CEP192: variants seen among roughly 807,000 people sequenced by gnomAD.
CEP192 encodes the protein centrosomal protein 192, also known as centrosomal protein of 192 kDa.
A neutral mutation model predicts 271.8 loss-of-function variants in CEP192; 151 were observed. The observed-to-expected ratio is 0.56, with a 90% CI of 0.49 to 0.64. The LOEUF (loss-of-function observed/expected upper bound fraction) is 0.64, where lower values mean the gene tolerates loss of function less well. Among genes scored for constraint, CEP192 ranks in the 30% least tolerant of loss-of-function variants. CEP192 has a pLI of 0.00. For synonymous variants in CEP192, 995 were observed against 1,076.5 expected (o/e 0.92, Z 1.48); for missense variants, 2,910 against 3,020.5 (o/e 0.96, Z 0.86).
At chr18:13,106,336 C>T (rs1220354286) in intron 40 of CEP192, among the ~76,000 whole-genome samples, 1 of 151,952 alleles carries the variant, frequency 6.6e-6, no homozygotes, top group African/African-American at 2.4e-5. Flanking sequence ...CTACCATCAT[C>T]TTCTGCACAA....
intron 33 of CEP192, among the ~76,000 whole-genome samples, chr18:13,090,301 T>C (rs1306903628): frequency 6.6e-6 from 1 of 152,226 alleles, no homozygotes; most frequent in African/African-American, 2.4e-5. Flanking sequence ...GAATCTGTAC[T>C]GAATGACATG....
Position 13,038,303 on chromosome 18 carries a change from T to C in CEP192, c.1600-67T>C. The C allele has an allele frequency of 2.4e-6, 3 of 1,273,604 alleles. No individual in the cohort carries two copies. In the Admixed American group the frequency reaches 7.6e-5, roughly 32 times the overall value. 78.9% of individuals were successfully genotyped at this position (1,273,604 alleles called of 1,614,324 possible). A position where few individuals can be genotyped will look rare whatever the true frequency, so the allele number is the denominator to read the frequency against. On this transcript the variant is annotated intron_variant, in intron 12 of 44. Coordinates refer to ENST00000506447, the MANE Select transcript of CEP192 (RefSeq NM_032142.4). The stretch of plus-strand genomic sequence containing the variant: ...TTCTTGGTAAGACTTTTTTAGTTTT[T>C]GTATATTAGAACAACAGAAAAGTGA...
intron 14 of CEP192, 49 bp downstream of exon 14, chr18:13,041,005 G>A: frequency 6.5e-7 from 1 of 1,530,454 alleles, no homozygotes; most frequent in Non-Finnish European, 8.9e-7. Context: ...TTTCTTAAAT[G>A]CGTAACTTAG....
At chr18:13,094,488 C>G (rs2039294816) in intron 34 of CEP192, among the ~76,000 whole-genome samples, 1 of 152,206 alleles carries the variant, frequency 6.6e-6, no homozygotes, top group African/African-American at 2.4e-5. Context: ...GCATTGCATT[C>G]TGGCTTCTGA....
chr18:13,034,885 G>C (rs749730581), intron 11 of CEP192, among the ~76,000 whole-genome samples: 1 of 151,254 alleles, frequency 6.6e-6, no homozygotes, highest in African/African-American at 2.4e-5. Flanking sequence ...CTTGCCGACA[G>C]CTCAGCTCCA....
chr18:13,038,672 T>G, intron 13 of CEP192, 93 bp downstream of exon 13: 3 of 947,808 alleles, frequency 3.2e-6, no homozygotes, highest in Non-Finnish European at 4.9e-6. Flanking sequence ...GGAGATAGAA[T>G]AGGATGGGAC....
Position 13,049,481 on chromosome 18 carries a change from C to G in CEP192, c.2690C>G (p.Ala897Gly). 1.2e-6 allele frequency: 2 copies of G among 1,614,080 alleles called. No individual in the cohort carries two copies. The highest frequency in any genetic ancestry group is 2.2e-5 in the East Asian group (1 of 44,870). ...CAAGATGTTGGTAACGATGAAAAAG[C>G]TACCTCAATTTCCACTCCATCTGAT... ...KLQDVGNDEK[A>G]TSISTPSDSY... Residue 897 changes from alanine to glycine, a missense_variant, in exon 16 of 45, where the codon GCT becomes GGT. Coordinates refer to ENST00000506447, the MANE Select transcript of CEP192 (RefSeq NM_032142.4).
intron 15 of CEP192, among the ~76,000 whole-genome samples, chr18:13,043,791 A>G (rs2143858226): frequency 6.6e-6 from 1 of 152,232 alleles, no homozygotes; most frequent in Non-Finnish European, 1.5e-5. Context: ...TTCCCTTTGT[A>G]TTTTATGAGT....
chr18:13,023,000 A>T (rs2035079148), intron 9 of CEP192, among the ~76,000 whole-genome samples: 1 of 152,176 alleles, frequency 6.6e-6, no homozygotes, highest in Non-Finnish European at 1.5e-5. Flanking sequence ...TTGCTAGTGT[A>T]TAGGAAAGCA....
chr18:13,055,351 G>A (rs571198979), intron 18 of CEP192, among the ~76,000 whole-genome samples: 3 of 152,126 alleles, frequency 2.0e-5, no homozygotes, highest in Admixed American at 2.0e-4. Context: ...ATGGTGGGGT[G>A]GGGCCCTGCC....
Position 13,121,432 on chromosome 18 carries a change from C to T in CEP192, c.7476-3200C>T, listed in dbSNP as rs183241418. On this transcript the variant is annotated intron_variant, in intron 44 of 44. Transcript: ENST00000506447. ...AGCACAGGAAAGTGGCTGCTCCTTA[C>T]AGGCTGTAAGCTGATTCTAGCTTAA... is the stretch of plus-strand genomic sequence containing the variant. 5.9e-3 allele frequency among the ~76,000 whole-genome samples: 893 copies of T among 152,310 alleles called. 13 individuals are homozygous for T. Among genetic ancestry groups the T allele is most frequent in the African/African-American group, 0.02 (835 of 41,578 alleles).
Position 13,124,871 on chromosome 18 carries a change from T to G in CEP192, c.*101T>G. The G allele has an allele frequency of 1.1e-6, 1 of 942,978 alleles. No homozygotes were observed. The allele number at this position is 942,978 out of a possible 1,614,324, so 58.4% of individuals were successfully genotyped here. On this transcript the variant is annotated 3_prime_UTR_variant, in exon 45 of 45. Coordinates refer to ENST00000506447, the MANE Select transcript of CEP192 (RefSeq NM_032142.4). ...GCTTTTGTATATATATTTTGTATGA[T>G]GGATATCTATAATTGTAGATTTTGT...
intron 15 of CEP192, among the ~76,000 whole-genome samples, chr18:13,046,729 T>A (rs1049061141): frequency 6.6e-6 from 1 of 152,018 alleles, no homozygotes; most frequent in Non-Finnish European, 1.5e-5. Flanking sequence ...TTATGTTTTA[T>A]TTCTATATTT....
intron 11 of CEP192, 84 bp from the exon 12 acceptor site, chr18:13,037,153 A>G (rs998077299): frequency 7.6e-6 from 5 of 661,332 alleles, no homozygotes; most frequent in Admixed American, 5.5e-5. Context: ...TTTCCTTAGT[A>G]TTTCATTTTC....
chr18:13,001,929 A>T (rs1283433428), intron 3 of CEP192, among the ~76,000 whole-genome samples: 2 of 152,046 alleles, frequency 1.3e-5, no homozygotes, highest in Admixed American at 1.3e-4. Context: ...CTGGTCTCAA[A>T]CTCCTGACCT....
At chr18:13,074,544 C>T (rs895749679) in intron 30 of CEP192, among the ~76,000 whole-genome samples, 2 of 152,180 alleles carry the variant, frequency 1.3e-5, no homozygotes, top group Non-Finnish European at 2.9e-5. Context: ...TAGTAAGTCT[C>T]TGGTGATTTA....
intron 4 of CEP192, among the ~76,000 whole-genome samples, chr18:13,009,089 C>G (rs2034175228): frequency 6.7e-6 from 1 of 149,200 alleles, no homozygotes; most frequent in Non-Finnish European, 1.5e-5. Flanking sequence ...AACTCCTGGG[C>G]TCAAGCAATT....
intron 1 of CEP192, among the ~76,000 whole-genome samples, chr18:12,997,731 T>C (rs1168378645): frequency 6.6e-6 from 1 of 152,230 alleles, no homozygotes; most frequent in African/African-American, 2.4e-5. Context: ...TAAGTTCTTC[T>C]TATTTTTGGG....
chr18:13,048,857 A>G lies in CEP192; in HGVS notation c.2068-2A>G. ...TCTGATGTTTAATTTTCTCACTTCTAGGACACTTTCTTCATGAGCAACAAA... is the reference window on the plus strand; with the variant it reads ...TCTGATGTTTAATTTTCTCACTTCTGGGACACTTTCTTCATGAGCAACAAA... On this transcript the variant is annotated splice_acceptor_variant, in intron 15 of 44. Transcript: ENST00000506447. LOFTEE classifies it high-confidence loss of function. 7 of 1,583,326 alleles carry G rather than the reference A, an allele frequency of 4.4e-6. No homozygotes were observed. The highest frequency in any genetic ancestry group is 6.0e-6 in the Non-Finnish European group (7 of 1,160,402).
Sources: gnomAD v4.1 joint callset for allele counts (sites outside exome capture counted in the v4.1 genomes callset) on GRCh38, gnomAD v4.1.1 for gene constraint, MANE v1.5 for transcripts, NCBI Gene and HGNC (gene_info 2026-07-23, HGNC 2026-07-21) for gene names.